RUNX1: variants seen among roughly 807,000 people sequenced by gnomAD.
The protein encoded by RUNX1 is runt-related transcription factor 1.
Under a neutral mutation model 42.8 loss-of-function variants are expected in RUNX1, and 19 were observed. The observed-to-expected ratio is 0.44, with a 90% CI of 0.31 to 0.65. The LOEUF (loss-of-function observed/expected upper bound fraction) is 0.65. Among genes scored for constraint, RUNX1 ranks in the 30% least tolerant of loss-of-function variants. The probability of loss-of-function intolerance (pLI) is 0.07; values close to 1 mark genes in which losing one functional copy is unlikely to be tolerated. For missense variants in RUNX1, 528 were observed against 672.0 expected (o/e 0.79, Z 2.37); for synonymous variants, 271 against 289.4 (o/e 0.94, Z 0.64).
intron 2 of RUNX1, among the ~76,000 whole-genome samples, chr21:34,985,863 C>G (rs933554724): frequency 7.1e-6 from 1 of 141,018 alleles, no homozygotes; most frequent in African/African-American, 2.6e-5. Flanking sequence ...CAACTCTGAC[C>G]AGACTTTTTT....
At chr21:34,807,638 G>A (rs1462153300) in intron 7 of RUNX1, among the ~76,000 whole-genome samples, 7 of 152,162 alleles carry the variant, frequency 4.6e-5, no homozygotes, top group Non-Finnish European at 1.0e-4. Flanking sequence ...CTCAGTCATG[G>A]GGAGCTGGTG....
chr21:34,949,797 C>A (rs1312994203), intron 2 of RUNX1, among the ~76,000 whole-genome samples: 2 of 152,216 alleles, frequency 1.3e-5, no homozygotes, highest in African/African-American at 2.4e-5. Context: ...CTAGTCATAT[C>A]CTTTCTGTCA....
At chr21:34,967,319 C>CAAAATAAAAAAAAAAAAAAA (rs2058727266) in intron 2 of RUNX1, among the ~76,000 whole-genome samples, 1 of 15,630 alleles carries the variant, frequency 6.4e-5, no homozygotes. Flanking sequence ...GACTCGGTCT[C>CAAAATAAAAAAAAAAAAAAA]AAAAAAAAAA....
At chr21:34,944,569 C>T (rs1442139801) in intron 2 of RUNX1, among the ~76,000 whole-genome samples, 1 of 152,150 alleles carries the variant, frequency 6.6e-6, no homozygotes, top group Non-Finnish European at 1.5e-5. Context: ...CTTCCTCTAG[C>T]ACAAATGTCA....
At chr21:34,834,329 A>C (rs2057109030) in intron 7 of RUNX1, 81 bp downstream of exon 7, 3 of 1,398,530 alleles carry the variant, frequency 2.1e-6, no homozygotes, top group Non-Finnish European at 3.0e-6. Context: ...TGGTCTGGGA[A>C]GGTGTGTGCA....
chr21:34,846,334 C>A (rs1268337619), intron 6 of RUNX1, among the ~76,000 whole-genome samples: 2 of 151,312 alleles, frequency 1.3e-5, no homozygotes, highest in African/African-American at 4.9e-5. Context: ...TCCATTCTCC[C>A]TTCTTCCCCC....
intron 7 of RUNX1, among the ~76,000 whole-genome samples, chr21:34,809,046 C>T (rs1318522943): frequency 6.6e-6 from 1 of 152,176 alleles, no homozygotes; most frequent in Non-Finnish European, 1.5e-5. Flanking sequence ...GTTAAATAAA[C>T]ATTTGTTGCA....
intron 2 of RUNX1, among the ~76,000 whole-genome samples, chr21:34,930,706 C>T (rs973566602): frequency 1.5e-4 from 8 of 51,640 alleles, no homozygotes; most frequent in Non-Finnish European, 4.1e-4. Context: ...CACACACACT[C>T]TCTCTCTCTC....
rs560010172 is a variant in RUNX1 at position 34,789,165 on chromosome 21, G to A, written c.*2970C>T. ...GAAACCCATAAACAGGAGAAAGGCT[G>A]ACAAACCATGTTCCTTTATGTGAAG... On this transcript the variant is annotated 3_prime_UTR_variant, in exon 9 of 9. Coordinates refer to ENST00000675419, the MANE Select transcript of RUNX1 (RefSeq NM_001754.5). The A allele has an allele frequency of 8.6e-6, 2 of 233,360 alleles. No individual in the cohort carries two copies. The highest frequency in any genetic ancestry group is 2.2e-5 in the African/African-American group (1 of 45,460). The allele number at this position is 233,360 out of a possible 1,614,324, so 14.5% of individuals were successfully genotyped here. A position where few individuals can be genotyped will look rare whatever the true frequency, so the allele number is the denominator to read the frequency against.
chr21:34,950,363 C>T (rs934184267), intron 2 of RUNX1, among the ~76,000 whole-genome samples: 1 of 152,124 alleles, frequency 6.6e-6, no homozygotes, highest in African/African-American at 2.4e-5. Context: ...TAATTTTGTA[C>T]TGCAGATCTA....
At chr21:34,874,389 C>T in intron 5 of RUNX1, among the ~76,000 whole-genome samples, 1 of 141,990 alleles carries the variant, frequency 7.0e-6, no homozygotes. Context: ...GCAGGTGGAC[C>T]ACCCGAGATC....
At chr21:34,823,695 G>A (rs566279031) in intron 7 of RUNX1, among the ~76,000 whole-genome samples, 9 of 151,960 alleles carry the variant, frequency 5.9e-5, no homozygotes, top group African/African-American at 9.7e-5. Context: ...CACCCACCTC[G>A]GTCTCCCAAA....
At chr21:34,827,031 C>G (rs1192939526) in intron 7 of RUNX1, among the ~76,000 whole-genome samples, 1 of 152,144 alleles carries the variant, frequency 6.6e-6, no homozygotes, top group Non-Finnish European at 1.5e-5. Flanking sequence ...GTAGAGATTA[C>G]TTAAGTGATT....
At chr21:34,888,968 G>C (rs1023030448) in intron 3 of RUNX1, among the ~76,000 whole-genome samples, 1 of 151,252 alleles carries the variant, frequency 6.6e-6, no homozygotes, top group Admixed American at 6.6e-5. Flanking sequence ...CCCGCGTGCG[G>C]ACCCCTTTCC....
chr21:34,839,843 C>T (rs1370779272), intron 6 of RUNX1, among the ~76,000 whole-genome samples: 1 of 152,202 alleles, frequency 6.6e-6, no homozygotes, highest in African/African-American at 2.4e-5. Context: ...TACTTCCCTT[C>T]TCCTGCCTGC....
chr21:34,846,358 C>T (rs2057316601), intron 6 of RUNX1, among the ~76,000 whole-genome samples: 1 of 151,648 alleles, frequency 6.6e-6, no homozygotes, highest in Admixed American at 6.6e-5. Flanking sequence ...TCCTGCCCTG[C>T]CCCCACCTTC....
intron 5 of RUNX1, among the ~76,000 whole-genome samples, chr21:34,875,003 G>T (rs748003840): frequency 6.6e-6 from 1 of 152,194 alleles, no homozygotes; most frequent in African/African-American, 2.4e-5. Context: ...TGGGTGGAGA[G>T]AAGTACAGCT....
At position 34,789,239 on chromosome 21, in the gene RUNX1, GGTATGT is replaced by G. The variant is rs1037039380; in HGVS notation, c.*2890_*2895del. On this transcript the variant is annotated 3_prime_UTR_variant, in exon 9 of 9. Coordinates refer to ENST00000675419, the MANE Select transcript of RUNX1 (RefSeq NM_001754.5). ...GTTCTGAAATTTGGTACTGGGTGGG[GGTATGT>G]GCTATCTGCTTAAGAGAACACAGGA... 9.4e-5 allele frequency: 22 copies of G among 233,252 alleles called. No individual in the cohort carries two copies. The highest frequency in any genetic ancestry group is 4.4e-4 in the African/African-American group (20 of 45,302). The allele number at this position is 233,252 out of a possible 1,614,324, so 14.4% of individuals were successfully genotyped here.
In RUNX1 at chr21:34,834,826, C is replaced by T. The variant is rs865923877; in HGVS notation, c.614-225G>A. Among the ~76,000 whole-genome samples the T allele has an allele frequency of 9.2e-5, 14 of 152,240 alleles. No homozygotes were observed. In the East Asian group the frequency reaches 2.7e-3, roughly 29 times the overall value. On this transcript the variant is annotated intron_variant, in intron 6 of 8. Coordinates refer to ENST00000675419, the MANE Select transcript of RUNX1 (RefSeq NM_001754.5). ...TCACCGCCTCGGCCACAGAGTGCTC[C>T]CCCAGTCTGGGCCTTGGCACCCTCC...
Sources: gnomAD v4.1 joint callset for allele counts (sites outside exome capture counted in the v4.1 genomes callset) on GRCh38, gnomAD v4.1.1 for gene constraint, MANE v1.5 for transcripts, NCBI Gene and HGNC (gene_info 2026-07-23, HGNC 2026-07-21) for gene names.